TENM4: variants seen among roughly 807,000 people sequenced by gnomAD.
TENM4 encodes the protein teneurin transmembrane protein 4.
Under a neutral mutation model 243.3 loss-of-function variants are expected in TENM4, and 82 were observed. The ratio of observed to expected loss-of-function variants is 0.34; its 90% CI spans 0.28 to 0.40. The LOEUF (loss-of-function observed/expected upper bound fraction) is 0.40, where lower values mean the gene tolerates loss of function less well. Among genes scored for constraint, TENM4 ranks in the 10% least tolerant of loss-of-function variants. TENM4 has a pLI of 1.00. For missense variants in TENM4, 3,138 were observed against 3,673.3 expected (o/e 0.85, Z 3.77); for synonymous variants, 1,412 against 1,456.3 (o/e 0.97, Z 0.69).
chr11:78,919,909 A>G (rs968601933), intron 6 of TENM4, among the ~76,000 whole-genome samples: 1 of 152,100 alleles, frequency 6.6e-6, no homozygotes, highest in African/African-American at 2.4e-5. Flanking sequence ...GTCACTCTTC[A>G]GGCAGACCTG....
At chr11:79,402,057 T>C in intron 1 of TENM4, 1 of 466,206 alleles carries the variant, frequency 2.1e-6, no homozygotes, top group South Asian at 1.7e-5. Context: ...CTAGTTGTGT[T>C]CATGTGCAAG....
intron 1 of TENM4, among the ~76,000 whole-genome samples, chr11:79,318,978 G>T (rs1162897272): frequency 6.6e-6 from 1 of 152,170 alleles, no homozygotes. Context: ...CACAGCTATA[G>T]CTGCATTATC....
chr11:79,184,525 C>T (rs1863347370), intron 3 of TENM4, among the ~76,000 whole-genome samples: 1 of 140,774 alleles, frequency 7.1e-6, no homozygotes, highest in South Asian at 2.5e-4. Flanking sequence ...TGGTACTGGT[C>T]CATGGCATGG....
At chr11:78,824,424 GA>G (rs1413990683) in intron 12 of TENM4, among the ~76,000 whole-genome samples, 1 of 151,996 alleles carries the variant, frequency 6.6e-6, no homozygotes, top group East Asian at 1.9e-4. Context: ...TACCGAGGGG[GA>G]TAGTACACAC....
intron 6 of TENM4, among the ~76,000 whole-genome samples, chr11:79,009,116 A>AT (rs1232669277): frequency 2.0e-5 from 3 of 152,320 alleles, no homozygotes; most frequent in Admixed American, 6.5e-5. Context: ...TGTCTGCCAT[A>AT]TTTGTTACAA....
chr11:78,719,528 T>C (rs559853610), intron 25 of TENM4, among the ~76,000 whole-genome samples: 46 of 152,328 alleles, frequency 3.0e-4, no homozygotes, highest in African/African-American at 9.9e-4. Context: ...CCTAAGACTT[T>C]CTTTCATCCC....
chr11:78,855,905 G>A (rs1300719106), intron 11 of TENM4, 59 bp downstream of exon 11: 1 of 1,485,938 alleles, frequency 6.7e-7, no homozygotes, highest in Admixed American at 2.0e-5. Context: ...CTTAACTTTG[G>A]GTTAAGATTT....
chr11:79,197,869 C>G (rs1863661577), intron 3 of TENM4, among the ~76,000 whole-genome samples: 1 of 152,038 alleles, frequency 6.6e-6, no homozygotes, highest in Non-Finnish European at 1.5e-5. Flanking sequence ...AGAAGCCTTT[C>G]TGCACACACT....
intron 18 of TENM4, among the ~76,000 whole-genome samples, chr11:78,760,102 ACCT>A (rs1200118149): frequency 2.6e-5 from 4 of 151,900 alleles, no homozygotes; most frequent in Non-Finnish European, 5.9e-5. Context: ...CCAAACGATG[ACCT>A]CCTAGAGATC....
At chr11:78,902,417 C>G (rs539345781) in intron 7 of TENM4, among the ~76,000 whole-genome samples, 2 of 152,252 alleles carry the variant, frequency 1.3e-5, no homozygotes, top group East Asian at 3.9e-4. Context: ...AATCACTGAC[C>G]AACAAAGCTG....
At chr11:79,154,617 A>G (rs483089) in intron 3 of TENM4, among the ~76,000 whole-genome samples, 84,732 of 151,876 alleles carry the variant, frequency 0.56, 25,603 homozygotes, top group Non-Finnish European at 0.69. Flanking sequence ...TCTTTCAGGT[A>G]ATTATGCTCA....
intron 6 of TENM4, among the ~76,000 whole-genome samples, chr11:79,040,967 C>T (rs1233942477): frequency 6.6e-6 from 1 of 151,986 alleles, no homozygotes; most frequent in East Asian, 1.9e-4. Context: ...ATCCACAGAC[C>T]AAGGGTTAAG....
At chr11:79,099,737 G>A (rs759931004) in intron 4 of TENM4, among the ~76,000 whole-genome samples, 1 of 152,140 alleles carries the variant, frequency 6.6e-6, no homozygotes, top group Non-Finnish European at 1.5e-5. Flanking sequence ...TCACCACAAG[G>A]AACATAAAAG....
chr11:78,907,244 CTTTTTT>C (rs529102939), intron 6 of TENM4, among the ~76,000 whole-genome samples: 1 of 133,764 alleles, frequency 7.5e-6, no homozygotes, highest in African/African-American at 2.8e-5. Flanking sequence ...GAATGGACTC[CTTTTTT>C]TTTTTTTTTT....
chr11:79,018,504 C>T (rs888723420), intron 6 of TENM4, among the ~76,000 whole-genome samples: 1 of 152,192 alleles, frequency 6.6e-6, no homozygotes, highest in Admixed American at 6.6e-5. Flanking sequence ...CATGCCTGGC[C>T]TAGCTCACCA....
At position 78,722,825 on chromosome 11, in the gene TENM4, T is replaced by C; in HGVS notation, c.3643A>G (p.Ile1215Val). The C allele has an allele frequency of 6.2e-7, 1 of 1,614,034 alleles. No individual in the cohort carries two copies. Among genetic ancestry groups the C allele is most frequent in the Non-Finnish European group, 8.5e-7 (1 of 1,179,892 alleles). Residue 1215 changes from isoleucine (I) to valine (V), a missense_variant, in exon 24 of 34, where the codon ATC becomes GTC. Physicochemically the swap from Ile to Val is conservative, Grantham distance 29. Around this residue, in one of 2 missense-constraint regions of TENM4, gnomAD observed 2,467 missense variants for 3,059.1 expected, o/e 0.81. Transcript: ENST00000278550. Reference protein sequence around the residue: ...SIMGNGRRRSISCPSCNGLAD... With the variant: ...SIMGNGRRRSVSCPSCNGLAD... ...AGGCCGTTGCAGCTGGGGCAGGAGATGCTTCTCCGGCGCCCATTGCCCATG... is the reference window on the plus strand; with the variant it reads ...AGGCCGTTGCAGCTGGGGCAGGAGACGCTTCTCCGGCGCCCATTGCCCATG...
chr11:79,275,008 T>G (rs978824441), intron 2 of TENM4, among the ~76,000 whole-genome samples: 1 of 152,144 alleles, frequency 6.6e-6, no homozygotes, highest in African/African-American at 2.4e-5. Flanking sequence ...CCAGAACATC[T>G]CTGCTTTTCT....
At position 78,673,565 on chromosome 11, in the gene TENM4, G is replaced by A. The variant is rs76202515; in HGVS notation, c.5497-1236C>T. ...AGGCCAGGATTCTAGCTGCAACTTTGTGACCAACTTTTCTATCAACCTTGG... is the reference window on the plus strand; with the variant it reads ...AGGCCAGGATTCTAGCTGCAACTTTATGACCAACTTTTCTATCAACCTTGG... On this transcript the variant is annotated intron_variant, in intron 30 of 33. Transcript: ENST00000278550. 3.6e-4 allele frequency among the ~76,000 whole-genome samples: 55 copies of A among 152,326 alleles called. 1 individual carries two copies. In the East Asian group the frequency reaches 9.3e-3, roughly 26 times the overall value.
At chr11:78,903,620 G>C in intron 6 of TENM4, 97 bp from the exon 7 acceptor site, 1 of 1,512,402 alleles carries the variant, frequency 6.6e-7, no homozygotes. Context: ...ACAGAAGAGG[G>C]AGCCGGCAGA....
Sources: gnomAD v4.1 joint callset for allele counts (sites outside exome capture counted in the v4.1 genomes callset) on GRCh38, gnomAD v4.1.1 for gene constraint, gnomAD v4.1.1 regional missense constraint, MANE v1.5 for transcripts, NCBI Gene and HGNC (gene_info 2026-07-23, HGNC 2026-07-21) for gene names.